Variants in DNAH10 observed in about 807,000 individuals in gnomAD.
The protein encoded by DNAH10 is axonemal beta dynein heavy chain 10.
DNAH10 carries 348 observed loss-of-function variants against 506.6 expected under a neutral mutation model. The observed-to-expected ratio is 0.69, with a 90% CI of 0.63 to 0.75. DNAH10 has a LOEUF of 0.75. DNAH10 is among the 30% of genes least tolerant of loss of function. The pLI is 0.00. For missense variants in DNAH10, 5,179 were observed against 5,787.1 expected, an observed-to-expected ratio of 0.89 and a Z score of 3.41; for synonymous variants, 2,059 against 2,198.6, an observed-to-expected ratio of 0.94 and a Z score of 1.78.
rs138949046 is a variant in DNAH10, at chr12:123,879,813, C to T, written c.8634+12C>T. The T allele has an allele frequency of 4.3e-6, 7 of 1,611,506 alleles. No individual in the cohort carries two copies. The highest frequency in any genetic ancestry group is 1.7e-4 in the Middle Eastern group (1 of 6,000). Reference sequence around the variant, plus strand: ...AGGCTCTGTTCCAGGTGGGGATGAGCCCCACCCTGTCCATGGGCTCACTTT... The same window carrying T: ...AGGCTCTGTTCCAGGTGGGGATGAGTCCCACCCTGTCCATGGGCTCACTTT... On this transcript the variant is annotated intron_variant, in intron 50 of 78. Coordinates refer to ENST00000673944, the MANE Select transcript of DNAH10 (RefSeq NM_001372106.1).
In DNAH10 at chr12:123,870,429, G is replaced by T; in HGVS notation, c.7583G>T (p.Ser2528Ile). The change falls in exon 44 of 79, where the codon AGT becomes ATT. Residue 2528 changes from serine (S) to isoleucine (I), a missense_variant. Ser to Ile is a moderately radical substitution (Grantham distance 142). Coordinates refer to ENST00000673944, the MANE Select transcript of DNAH10 (RefSeq NM_001372106.1). ...DNKRNQWVPW[S>I]KLVPEYIHAP... ...AAACGGAATCAATGGGTCCCATGGA[G>T]TAAATTAGTTCCAGAGTATATTCAT... 1 of 1,613,918 alleles carries T rather than the reference G, an allele frequency of 6.2e-7. No homozygotes were observed.
rs1957611374 is a variant in DNAH10, at chr12:123,780,688, T to C, written c.622-392T>C. Among the ~76,000 whole-genome samples the C allele has an allele frequency of 2.6e-5, 4 of 151,252 alleles. No individual in the cohort carries two copies. The South Asian group carries it at 8.5e-4, about 32-fold the overall frequency. ...GAATATTCAGGCTGGGTGCAGTGGC[T>C]CACGCCTGTAATCCCAGCACTTTGG... On this transcript the variant is annotated intron_variant, in intron 5 of 78. Coordinates refer to ENST00000673944, the MANE Select transcript of DNAH10 (RefSeq NM_001372106.1).
Position 123,867,476 on chromosome 12 carries a change from T to C in DNAH10, c.7177T>C (p.Tyr2393His). The change falls in exon 42 of 79, where the codon TAC (tyrosine) becomes CAC (histidine). Residue 2393 changes from tyrosine to histidine, a missense_variant. By Grantham distance (83) the Tyr-to-His change is moderately conservative (BLOSUM62 2). Transcript: ENST00000673944. ...TGCTACTTTTTTATAGGTGGAGCAA[T>C]ACAATTTGAATAGTCTCTTTGAGAA... is the stretch of plus-strand genomic sequence containing the variant. Reference protein sequence around the residue: ...VNQIPNKVEQYNLNSLFEKYV... With the variant: ...VNQIPNKVEQHNLNSLFEKYV... 1 of 1,613,300 alleles carries C rather than the reference T, an allele frequency of 6.2e-7. No homozygotes were observed. Among genetic ancestry groups the C allele is most frequent in the Non-Finnish European group, 8.5e-7 (1 of 1,179,664 alleles).
chr12:123,792,451 CTT>C lies in DNAH10; in HGVS notation c.1816-1467_1816-1466del, dbSNP rs78654407. ...TTGTTTACCTTTTTTTTCCTTTGTC[CTT>C]TTTTTTTTTTTTTTTTTTTTTTTGA... On this transcript the variant is annotated intron_variant, in intron 11 of 78. Transcript: ENST00000673944. Among the ~76,000 whole-genome samples the C allele has an allele frequency of 7.4e-3, 990 of 133,066 alleles. 10 individuals are homozygous for C. Among genetic ancestry groups the C allele is most frequent in the African/African-American group, 0.029 (942 of 31,984 alleles). The allele number at this position is 133,066 out of a possible 152,430, so 87.3% of individuals were successfully genotyped here.
At chr12:123,904,395 T>G (rs1267292030) in intron 57 of DNAH10, among the ~76,000 whole-genome samples, 2 of 152,138 alleles carry the variant, frequency 1.3e-5, no homozygotes, top group Non-Finnish European at 2.9e-5. Flanking sequence ...TGATAGGATT[T>G]GGGCCACTGC....
rs957809987 is a variant in DNAH10, at chr12:123,785,468, C to A, written c.1231-278C>A. Among the ~76,000 whole-genome samples the A allele has an allele frequency of 2.6e-5, 4 of 151,906 alleles. No individual in the cohort carries two copies. Among genetic ancestry groups the A allele is most frequent in the Non-Finnish European group, 5.9e-5 (4 of 67,984 alleles). Reference sequence around the variant, plus strand: ...GCAACATAGTGCGACCTCATCTCTACAAAAATAAAAATAAAAAATTAGCCG... The same window carrying A: ...GCAACATAGTGCGACCTCATCTCTAAAAAAATAAAAATAAAAAATTAGCCG... On this transcript the variant is annotated intron_variant, in intron 8 of 78. Coordinates refer to ENST00000673944, the MANE Select transcript of DNAH10 (RefSeq NM_001372106.1). This position sits in a 1 kb window ranked among gnomAD's most constrained non-coding sequence, Gnocchi z 4.1.
intron 41 of DNAH10, among the ~76,000 whole-genome samples, chr12:123,867,119 A>C (rs10773045): frequency 1.3e-5 from 2 of 151,558 alleles, no homozygotes; most frequent in Non-Finnish European, 3.0e-5. Flanking sequence ...TAGGGAGGGG[A>C]CCTTCACTGC....
chr12:123,773,421 A>G (rs898346905), intron 4 of DNAH10, among the ~76,000 whole-genome samples: 2 of 152,254 alleles, frequency 1.3e-5, no homozygotes, highest in African/African-American at 4.8e-5. Flanking sequence ...TGCTTTGGCA[A>G]TGAATTGAGG....
intron 19 of DNAH10, among the ~76,000 whole-genome samples, chr12:123,812,218 G>A (rs993331328): frequency 1.3e-5 from 2 of 152,020 alleles, no homozygotes; most frequent in East Asian, 3.9e-4. Flanking sequence ...TTGGGAGGCC[G>A]AGGTGGGCGG....
rs755287443 is a variant in DNAH10, at chr12:123,893,454, T to A, written c.9199+18T>A. The A allele has an allele frequency of 6.2e-7, 1 of 1,611,656 alleles. No individual in the cohort carries two copies. The highest frequency in any genetic ancestry group is 8.5e-7 in the Non-Finnish European group (1 of 1,179,746). ...CTTCCCAGGTACCCGCGGTGGAGCC[T>A]GTGAACCCATTTCCCCTGCTTTGGC... is the stretch of plus-strand genomic sequence containing the variant. On this transcript the variant is annotated intron_variant, in intron 53 of 78. Coordinates refer to ENST00000673944, the MANE Select transcript of DNAH10 (RefSeq NM_001372106.1).
intron 39 of DNAH10, among the ~76,000 whole-genome samples, chr12:123,864,347 A>G (rs887991079): frequency 1.3e-5 from 2 of 151,838 alleles, no homozygotes; most frequent in Non-Finnish European, 1.5e-5. Flanking sequence ...GGGTTTCACT[A>G]TGTTGGCCAG....
chr12:123,897,965 T>C lies in DNAH10; in HGVS notation c.9476T>C (p.Ile3159Thr), dbSNP rs1190381521. The change falls in exon 55 of 79, where the codon ATA becomes ACA. Residue 3159 changes from isoleucine (I) to threonine (T), a missense_variant and splice_region_variant. Ile to Thr is a moderately conservative substitution (Grantham distance 89). Transcript: ENST00000673944. ...KLLDEKTQCN[I>T]AQCKRLDGGL... Reference sequence around the variant, plus strand: ...CTGGATGAGAAAACTCAGTGTAATATAGGTAAGCCTTGGGGATGGGGTGGT... The same window carrying C: ...CTGGATGAGAAAACTCAGTGTAATACAGGTAAGCCTTGGGGATGGGGTGGT... 6.4e-7 allele frequency: 1 copy of C among 1,573,012 alleles called. No homozygotes were observed. The highest frequency in any genetic ancestry group is 8.6e-7 in the Non-Finnish European group (1 of 1,163,674).
chr12:123,821,679 T>C (rs899522668), intron 24 of DNAH10, among the ~76,000 whole-genome samples: 6 of 152,088 alleles, frequency 3.9e-5, no homozygotes, highest in Non-Finnish European at 8.8e-5. Flanking sequence ...TTTTTTTTTA[T>C]GTATTTTACT....
chr12:123,887,013 C>G, intron 51 of DNAH10, 129 bp from the exon 52 acceptor site: 2 of 1,174,340 alleles, frequency 1.7e-6, no homozygotes, highest in Non-Finnish European at 2.3e-6. Flanking sequence ...CTTTTCTTTC[C>G]TGACCTACTT....
At chr12:123,852,431 C>A (rs1347094259) in intron 35 of DNAH10, among the ~76,000 whole-genome samples, 1 of 152,144 alleles carries the variant, frequency 6.6e-6, no homozygotes, top group African/African-American at 2.4e-5. Flanking sequence ...TGCCTATTAC[C>A]GTGTCAGGAT....
At chr12:123,849,008 T>G in intron 34 of DNAH10, 126 bp downstream of exon 34, 1 of 1,212,034 alleles carries the variant, frequency 8.3e-7, no homozygotes, top group Non-Finnish European at 1.1e-6. Flanking sequence ...GTAGAAGATC[T>G]GTTGGTTTTT....
chr12:123,813,684 T>C (rs746288037), intron 20 of DNAH10, 44 bp downstream of exon 20: 3 of 1,612,796 alleles, frequency 1.9e-6, no homozygotes, highest in Non-Finnish European at 2.5e-6. Context: ...TTCGTGTAAG[T>C]TGGGTCTTCA....
intron 13 of DNAH10, among the ~76,000 whole-genome samples, chr12:123,797,534 A>G (rs986838191): frequency 1.3e-5 from 2 of 152,036 alleles, no homozygotes; most frequent in Non-Finnish European, 2.9e-5. Context: ...CGGGGCCTAC[A>G]GGTGTGGGCC....
chr12:123,839,852 A>G (rs563588777), intron 29 of DNAH10, among the ~76,000 whole-genome samples: 6 of 152,004 alleles, frequency 3.9e-5, no homozygotes, highest in Admixed American at 2.6e-4. Context: ...CCAGACCACA[A>G]TTTCACACTT....
Sources: allele counts gnomAD v4.1 joint callset (sites outside exome capture counted in the v4.1 genomes callset), GRCh38; gene constraint gnomAD v4.1.1; non-coding constraint Gnocchi (gnomAD v3.1); transcripts MANE v1.5; gene names NCBI Gene and HGNC (gene_info 2026-07-23, HGNC 2026-07-21).